POLB: variants seen among roughly 807,000 people sequenced by gnomAD.
The protein encoded by POLB is 5'-dRP lyase.
In POLB, 37 loss-of-function variants were observed where a neutral mutation model predicts 52.7. The observed-to-expected ratio is 0.70, with a 90% confidence interval of 0.54 to 0.92. POLB has a LOEUF of 0.92. Among genes scored for constraint, POLB ranks in the 40% least tolerant of loss-of-function variants. POLB has a pLI of 0.00. For missense variants in POLB, 313 were observed against 400.8 expected (o/e 0.78, Z 1.87); for synonymous variants, 138 against 131.3 (o/e 1.05, Z -0.35).
chr8:42,344,077 G>A (rs924126070), intron 2 of POLB, among the ~76,000 whole-genome samples: 5 of 149,416 alleles, frequency 3.3e-5, no homozygotes, highest in Non-Finnish European at 7.4e-5. Flanking sequence ...GTGACAGTGA[G>A]CTGAGATCAC....
intron 3 of POLB, among the ~76,000 whole-genome samples, chr8:42,347,152 C>T (rs1822668713): frequency 6.6e-6 from 1 of 151,940 alleles, no homozygotes; most frequent in Non-Finnish European, 1.5e-5. Context: ...CAAAGGTATC[C>T]AAAATTCCTT....
chr8:42,351,055 T>G (rs1249069664), intron 5 of POLB, among the ~76,000 whole-genome samples: 1 of 152,138 alleles, frequency 6.6e-6, no homozygotes, highest in African/African-American at 2.4e-5. Context: ...TTGTATCTTT[T>G]GTAGAGAAGA....
intron 6 of POLB, 26 bp from the exon 7 acceptor site, chr8:42,355,490 G>C (rs1208319776): frequency 7.4e-7 from 1 of 1,345,716 alleles, no homozygotes; most frequent in Non-Finnish European, 1.1e-6. Context: ...AAATTAACAT[G>C]TCAACTTTAT....
intron 3 of POLB, 128 bp downstream of exon 3, chr8:42,345,147 C>G (rs1822530927): frequency 3.1e-6 from 2 of 644,256 alleles, no homozygotes; most frequent in African/African-American, 1.8e-5. Flanking sequence ...CTCCTGATTT[C>G]TTGGAATAAC....
At chr8:42,357,122 A>G in intron 7 of POLB, 47 bp from the exon 8 acceptor site, 1 of 994,340 alleles carries the variant, frequency 1.0e-6, no homozygotes, top group South Asian at 1.4e-5. Flanking sequence ...TTTTAAGGAG[A>G]TTTAAATTTT....
chr8:42,347,938 G>A (rs569119233), intron 3 of POLB, among the ~76,000 whole-genome samples: 1 of 152,160 alleles, frequency 6.6e-6, no homozygotes, highest in South Asian at 2.1e-4. Context: ...AACTAAAAAG[G>A]ACAGGACATT....
chr8:42,371,549 C>T lies in POLB; in HGVS notation c.914-14C>T. On this transcript the variant is annotated splice_polypyrimidine_tract_variant and intron_variant, in intron 13 of 13. Transcript: ENST00000265421. Reference sequence around the variant, plus strand: ...ACTGGTTCTTACAATAAGTTTTTCTCTCTGTACTTGCAGGAGTTGCAGGAG... The same window carrying T: ...ACTGGTTCTTACAATAAGTTTTTCTTTCTGTACTTGCAGGAGTTGCAGGAG... The T allele has an allele frequency of 6.6e-7, 1 of 1,519,730 alleles. No homozygotes were observed. Among genetic ancestry groups the T allele is most frequent in the Non-Finnish European group, 9.1e-7 (1 of 1,097,908 alleles). The allele number at this position is 1,519,730 out of a possible 1,614,324, so 94.1% of individuals were successfully genotyped here. A position where few individuals can be genotyped will look rare whatever the true frequency, so the allele number is the denominator to read the frequency against.
At chr8:42,362,358 G>A (rs1330104979) in intron 10 of POLB, among the ~76,000 whole-genome samples, 2 of 150,758 alleles carry the variant, frequency 1.3e-5, no homozygotes, top group Non-Finnish European at 1.5e-5. Flanking sequence ...TCCCGGGCTC[G>A]ATTCCCTGCC....
intron 2 of POLB, chr8:42,342,677 G>T: frequency 1.9e-6 from 1 of 527,788 alleles, no homozygotes. Flanking sequence ...ACTAGGGGGT[G>T]GAAAGGCGGG....
intron 2 of POLB, chr8:42,342,303 A>G (rs1822252360): frequency 3.3e-6 from 5 of 1,535,722 alleles, no homozygotes; most frequent in South Asian, 2.2e-5. Context: ...TGCCAAACCT[A>G]TTGAGAAGCC....
chr8:42,360,856 T>TA (rs1352628983), intron 9 of POLB, among the ~76,000 whole-genome samples: 2 of 152,172 alleles, frequency 1.3e-5, no homozygotes, highest in Admixed American at 6.5e-5. Context: ...GTGCTGGGAT[T>TA]ACAGGCATGA....
At chr8:42,346,751 C>A in intron 3 of POLB, among the ~76,000 whole-genome samples, 1 of 152,174 alleles carries the variant, frequency 6.6e-6, no homozygotes, top group Non-Finnish European at 1.5e-5. Context: ...AAATCTTGGA[C>A]ATTGTGTGAT....
intron 4 of POLB, among the ~76,000 whole-genome samples, chr8:42,349,594 T>A (rs1211132942): frequency 1.3e-5 from 2 of 152,186 alleles, no homozygotes; most frequent in African/African-American, 4.8e-5. Context: ...TTCACCATGT[T>A]AGCCAGTATG....
intron 3 of POLB, among the ~76,000 whole-genome samples, chr8:42,346,042 C>T (rs1286339520): frequency 1.3e-5 from 2 of 152,132 alleles, no homozygotes; most frequent in Non-Finnish European, 2.9e-5. Flanking sequence ...CTGCCTCAGC[C>T]TCCCGAGTAG....
Position 42,369,999 on chromosome 8 carries a change from A to G in POLB, c.913+11A>G, listed in dbSNP as rs1476977580. On this transcript the variant is annotated intron_variant, in intron 13 of 13. Coordinates refer to ENST00000265421, the MANE Select transcript of POLB (RefSeq NM_002690.3). ...CCTTGGGAGTCACTGGTGAGTGTCC[A>G]TGTGTGTATTAGAGATCATCTCTCA... 2 of 1,600,120 alleles carry G rather than the reference A, an allele frequency of 1.2e-6. No individual in the cohort carries two copies. Among genetic ancestry groups the G allele is most frequent in the South Asian group, 2.2e-5 (2 of 90,730 alleles).
intron 5 of POLB, among the ~76,000 whole-genome samples, chr8:42,352,020 A>G (rs1432686055): frequency 6.6e-6 from 1 of 152,224 alleles, no homozygotes; most frequent in Non-Finnish European, 1.5e-5. Context: ...TTCTTTAGTC[A>G]TTCAAACCTC....
chr8:42,362,765 T>C (rs1202671322), intron 11 of POLB, 67 bp downstream of exon 11: 5 of 790,086 alleles, frequency 6.3e-6, no homozygotes, highest in Non-Finnish European at 1.1e-5. Context: ...CCATTCTGAG[T>C]GTGTGACTTC....
At chr8:42,352,840 G>T (rs554259490) in intron 6 of POLB, among the ~76,000 whole-genome samples, 1 of 152,130 alleles carries the variant, frequency 6.6e-6, no homozygotes, top group South Asian at 2.1e-4. Flanking sequence ...CAGCACTTTG[G>T]GAGGCGGGTG....
At chr8:42,349,231 T>A in intron 4 of POLB, 141 bp downstream of exon 4, 1 of 539,482 alleles carries the variant, frequency 1.9e-6, no homozygotes, top group Non-Finnish European at 3.3e-6. Flanking sequence ...TGGCTTTAAC[T>A]TTTTGAATGT....
Sources: gnomAD v4.1 joint callset for allele counts (sites outside exome capture counted in the v4.1 genomes callset) on GRCh38, gnomAD v4.1.1 for gene constraint, MANE v1.5 for transcripts, NCBI Gene and HGNC (gene_info 2026-07-23, HGNC 2026-07-21) for gene names.